EPB41: variants seen among roughly 807,000 people sequenced by gnomAD.
EPB41 encodes protein 4.1.
Under a neutral mutation model 108.0 loss-of-function variants are expected in EPB41, and 65 were observed. The ratio of observed to expected loss-of-function variants is 0.60; its 90% CI spans 0.49 to 0.74. EPB41 has a LOEUF of 0.74. Among genes scored for constraint, EPB41 ranks in the 30% least tolerant of loss-of-function variants. The pLI, the probability that EPB41 is intolerant of heterozygous loss-of-function variation, is 0.00. For synonymous variants in EPB41, 336 were observed against 358.9 expected (o/e 0.94, Z 0.72); for missense variants, 875 against 1,037.0 (o/e 0.84, Z 2.15).
rs1035453662 is a variant in EPB41, at chr1:29,115,435, A to G, written c.2497-264A>G. ...AAAAAAAAATAAAGGATCATATAAC[A>G]GATACAGCTATGACCCCCGAAGTCC... On this transcript the variant is annotated intron_variant, in intron 19 of 20. Coordinates refer to ENST00000343067, the MANE Select transcript of EPB41 (RefSeq NM_001376013.1). The surrounding 1 kb of genome is among the most constrained non-coding windows in gnomAD (Gnocchi z 4.4). 2.6e-5 allele frequency among the ~76,000 whole-genome samples: 4 copies of G among 152,072 alleles called. No individual in the cohort carries two copies. The highest frequency in any genetic ancestry group is 1.3e-4 in the Admixed American group (2 of 15,242).
At chr1:28,914,839 C>A in intron 1 of EPB41, 71 bp downstream of exon 1, 1 of 152,554 alleles carries the variant, frequency 6.6e-6, no homozygotes, top group South Asian at 1.8e-4. Flanking sequence ...TGGGGACGGT[C>A]CTGGCGGCCG....
chr1:28,924,498 C>T (rs1234020855), intron 1 of EPB41, among the ~76,000 whole-genome samples: 1 of 151,874 alleles, frequency 6.6e-6, no homozygotes, highest in Non-Finnish European at 1.5e-5. Context: ...CACTGCACTC[C>T]AGCTCTGGGT....
chr1:29,069,614 CTA>C, intron 16 of EPB41: 1 of 229,624 alleles, frequency 4.4e-6, no homozygotes, highest in Non-Finnish European at 7.5e-6. Flanking sequence ...TTTTTAAAGT[CTA>C]TATGAAGAGA....
intron 19 of EPB41, among the ~76,000 whole-genome samples, chr1:29,112,952 G>C (rs992398215): frequency 6.6e-6 from 1 of 152,152 alleles, no homozygotes; most frequent in Admixed American, 6.6e-5. Context: ...GAGAAGACAC[G>C]AGCGGGAGCA....
chr1:29,064,059 A>G (rs1181206159), intron 15 of EPB41, among the ~76,000 whole-genome samples: 3 of 152,126 alleles, frequency 2.0e-5, no homozygotes, highest in Non-Finnish European at 4.4e-5. Flanking sequence ...TAGGATATAT[A>G]CCTACTATAT....
At chr1:28,935,238 A>G (rs1256402332) in intron 1 of EPB41, among the ~76,000 whole-genome samples, 1 of 151,668 alleles carries the variant, frequency 6.6e-6, no homozygotes, top group Non-Finnish European at 1.5e-5. Context: ...CGAGACCAGC[A>G]TGACCAACAT....
intron 1 of EPB41, among the ~76,000 whole-genome samples, chr1:28,888,502 C>T (rs2089713495): frequency 1.3e-5 from 2 of 152,226 alleles, no homozygotes; most frequent in African/African-American, 4.8e-5. Flanking sequence ...ATGACAGACC[C>T]GCAAGTCTAA....
intron 9 of EPB41, among the ~76,000 whole-genome samples, chr1:29,034,742 G>T (rs1368405378): frequency 6.6e-6 from 1 of 152,054 alleles, no homozygotes; most frequent in East Asian, 1.9e-4. Flanking sequence ...AAGGAAAAAA[G>T]AAATATTTAA....
At chr1:28,898,714 C>G (rs959226797) in intron 1 of EPB41, among the ~76,000 whole-genome samples, 1 of 152,166 alleles carries the variant, frequency 6.6e-6, no homozygotes, top group Non-Finnish European at 1.5e-5. Flanking sequence ...TGGCCCACTG[C>G]CAAGCTGGCT....
chr1:28,906,852 T>A (rs1290412474), intron 1 of EPB41, among the ~76,000 whole-genome samples: 1 of 150,178 alleles, frequency 6.7e-6, no homozygotes, highest in East Asian at 2.0e-4. Context: ...CTCAGCTCAC[T>A]GCAAGCTCTG....
chr1:28,981,535 ACTTTTTC>A (rs2095746651), intron 1 of EPB41, among the ~76,000 whole-genome samples: 2 of 152,228 alleles, frequency 1.3e-5, no homozygotes, highest in South Asian at 4.1e-4. Context: ...GCTGTAATAT[ACTTTTTC>A]ATATGTTGAG....
chr1:28,958,724 T>G (rs986822516), intron 1 of EPB41, among the ~76,000 whole-genome samples: 1 of 136,448 alleles, frequency 7.3e-6, no homozygotes, highest in Non-Finnish European at 1.5e-5. Context: ...GAGGCTGAGG[T>G]GGGAGGATTG....
intron 13 of EPB41, 25 bp from the exon 14 acceptor site, chr1:29,058,786 T>A: frequency 6.5e-7 from 1 of 1,539,658 alleles, no homozygotes; most frequent in South Asian, 1.2e-5. Context: ...CATTTTTCTT[T>A]CTTTTTTAAA....
At chr1:29,045,895 C>T (rs1030616968) in intron 11 of EPB41, among the ~76,000 whole-genome samples, 12 of 150,638 alleles carry the variant, frequency 8.0e-5, no homozygotes, top group Non-Finnish European at 1.6e-4. Context: ...AGGATCACTT[C>T]AGCCTAGGAG....
At chr1:29,004,430 C>T (rs962335755) in intron 4 of EPB41, among the ~76,000 whole-genome samples, 3 of 152,200 alleles carry the variant, frequency 2.0e-5, no homozygotes, top group Non-Finnish European at 2.9e-5. Context: ...CTCACCTTCA[C>T]AGGCAAAGAG....
At chr1:28,934,950 C>CA (rs2093931671) in intron 1 of EPB41, among the ~76,000 whole-genome samples, 2 of 151,694 alleles carry the variant, frequency 1.3e-5, no homozygotes, top group Non-Finnish European at 2.9e-5. Context: ...CTTGTCCCTA[C>CA]AAAAAATGAA....
At chr1:28,895,707 C>T (rs199965507) in intron 1 of EPB41, among the ~76,000 whole-genome samples, 3 of 152,118 alleles carry the variant, frequency 2.0e-5, no homozygotes, top group Non-Finnish European at 4.4e-5. Context: ...AGGCTGGTCT[C>T]GAACTCCTGA....
At position 29,033,248 on chromosome 1, in the gene EPB41, A is replaced by G. The variant is rs1157701621; in HGVS notation, c.1365+3A>G. ...TCATCAAGATTCGGCCTGGAGAGGTACAGAATTTATATTTCCTTCCTCCCA... is the reference window on the plus strand; with the variant it reads ...TCATCAAGATTCGGCCTGGAGAGGTGCAGAATTTATATTTCCTTCCTCCCA... On this transcript the variant is annotated splice_donor_region_variant and intron_variant, in intron 9 of 20. Transcript: ENST00000343067. 8.7e-6 allele frequency: 14 copies of G among 1,613,804 alleles called. No individual in the cohort carries two copies. Among genetic ancestry groups the G allele is most frequent in the Non-Finnish European group, 1.2e-5 (14 of 1,179,828 alleles).
At chr1:29,075,423 A>G (rs1653601769) in intron 16 of EPB41, among the ~76,000 whole-genome samples, 1 of 152,116 alleles carries the variant, frequency 6.6e-6, no homozygotes, top group Non-Finnish European at 1.5e-5. Context: ...GGTTGCAGTG[A>G]GCTGAGATCG....
Sources: gnomAD v4.1 joint callset for allele counts (sites outside exome capture counted in the v4.1 genomes callset) on GRCh38, gnomAD v4.1.1 for gene constraint, Gnocchi (gnomAD v3.1) non-coding constraint, MANE v1.5 for transcripts, NCBI Gene and HGNC (gene_info 2026-07-23, HGNC 2026-07-21) for gene names.